The following GNAQ variants were observed in gnomAD, a reference collection of about 807,000 sequenced individuals.
GNAQ encodes the protein G protein subunit alpha q, also known as guanine nucleotide-binding protein G(q) subunit alpha.
Under a neutral mutation model 43.9 loss-of-function variants are expected in GNAQ, and 8 were observed. The ratio of observed to expected loss-of-function variants is 0.18; its 90% CI spans 0.11 to 0.33. The LOEUF (loss-of-function observed/expected upper bound fraction) is 0.33, where lower values mean the gene tolerates loss of function less well. GNAQ is among the 10% of genes least tolerant of loss of function. GNAQ has a pLI of 1.00. For missense variants in GNAQ, 158 were observed against 450.8 expected (o/e 0.35, Z 5.88); for synonymous variants, 155 against 170.7 (o/e 0.91, Z 0.71).
At chr9:77,947,645 G>A (rs1358992931) in intron 1 of GNAQ, among the ~76,000 whole-genome samples, 1 of 152,136 alleles carries the variant, frequency 6.6e-6, no homozygotes. Flanking sequence ...AATTCCCATG[G>A]CTGGAGAGAC....
chr9:77,779,468 A>C (rs1237506451), intron 5 of GNAQ, among the ~76,000 whole-genome samples: 1 of 151,846 alleles, frequency 6.6e-6, no homozygotes, highest in Admixed American at 6.6e-5. Context: ...GAAAGATCTA[A>C]AATCGATATC....
intron 2 of GNAQ, among the ~76,000 whole-genome samples, chr9:77,839,311 C>T (rs899235840): frequency 6.6e-6 from 1 of 152,096 alleles, no homozygotes; most frequent in Non-Finnish European, 1.5e-5. Context: ...TTCAGACAAC[C>T]CTTCATTAGC....
intron 3 of GNAQ, among the ~76,000 whole-genome samples, chr9:77,801,591 T>C (rs1020988035): frequency 3.3e-5 from 5 of 152,180 alleles, no homozygotes; most frequent in African/African-American, 1.2e-4. Flanking sequence ...AGTTGAATAA[T>C]AGAGAGAAAG....
At chr9:77,723,831 T>C (rs1196645552) in intron 6 of GNAQ, among the ~76,000 whole-genome samples, 2 of 152,144 alleles carry the variant, frequency 1.3e-5, no homozygotes, top group African/African-American at 4.8e-5. Context: ...TGAAAATATT[T>C]TGAAAATACT....
intron 1 of GNAQ, among the ~76,000 whole-genome samples, chr9:77,950,962 A>T (rs897618369): frequency 2.6e-5 from 4 of 152,162 alleles, no homozygotes; most frequent in Non-Finnish European, 5.9e-5. Flanking sequence ...TTTTAATTTA[A>T]AAAAAGCTAC....
intron 1 of GNAQ, among the ~76,000 whole-genome samples, chr9:77,933,226 T>C (rs2118313974): frequency 6.6e-6 from 1 of 152,322 alleles, no homozygotes; most frequent in Admixed American, 6.5e-5. Context: ...CTTCTGCTAA[T>C]GTGTGAGTCA....
chr9:77,931,547 T>C (rs1324458014), intron 1 of GNAQ, among the ~76,000 whole-genome samples: 2 of 151,330 alleles, frequency 1.3e-5, no homozygotes, highest in Non-Finnish European at 1.5e-5. Context: ...GCCGAGATCA[T>C]GCCACTGCAC....
intron 5 of GNAQ, among the ~76,000 whole-genome samples, chr9:77,746,040 G>A (rs1181558750): frequency 6.6e-6 from 1 of 152,100 alleles, no homozygotes; most frequent in African/African-American, 2.4e-5. Context: ...AAAGAATAAG[G>A]AAGCCGAAGA....
chr9:77,781,530 A>C (rs1320281470), intron 5 of GNAQ, among the ~76,000 whole-genome samples: 2 of 152,144 alleles, frequency 1.3e-5, no homozygotes, highest in Non-Finnish European at 2.9e-5. Flanking sequence ...GCCAGCATTA[A>C]CTTAATACCA....
chr9:77,954,446 A>G (rs950214850), intron 1 of GNAQ, among the ~76,000 whole-genome samples: 1 of 152,180 alleles, frequency 6.6e-6, no homozygotes, highest in African/African-American at 2.4e-5. Context: ...CAATTTTTAG[A>G]TTTGTGTTTC....
intron 1 of GNAQ, among the ~76,000 whole-genome samples, chr9:77,976,924 TAA>T (rs1188543968): frequency 2.0e-5 from 3 of 152,184 alleles, no homozygotes; most frequent in Non-Finnish European, 2.9e-5. Flanking sequence ...GTCACTCATT[TAA>T]AACCACCTGC....
chr9:77,852,007 A>G (rs1452974082), intron 2 of GNAQ, among the ~76,000 whole-genome samples: 2 of 152,204 alleles, frequency 1.3e-5, no homozygotes, highest in Admixed American at 1.3e-4. Flanking sequence ...CAAAGTCAAT[A>G]GGATATGGAA....
chr9:77,955,866 C>T (rs1004581372), intron 1 of GNAQ, among the ~76,000 whole-genome samples: 1 of 152,170 alleles, frequency 6.6e-6, no homozygotes, highest in Non-Finnish European at 1.5e-5. Flanking sequence ...ATCATTATCA[C>T]ATAAAGCTGT....
intron 1 of GNAQ, among the ~76,000 whole-genome samples, chr9:77,937,442 T>C (rs186860345): frequency 3.3e-5 from 5 of 151,880 alleles, no homozygotes; most frequent in Non-Finnish European, 5.9e-5. Context: ...CATCTCAAAA[T>C]AAATAAATAA....
chr9:77,878,473 C>G (rs1187175915), intron 2 of GNAQ, among the ~76,000 whole-genome samples: 1 of 151,928 alleles, frequency 6.6e-6, no homozygotes, highest in African/African-American at 2.4e-5. Flanking sequence ...CTAGTAACAC[C>G]TAATAAATAG....
At chr9:77,814,284 G>C (rs1022583623) in intron 3 of GNAQ, among the ~76,000 whole-genome samples, 3 of 152,080 alleles carry the variant, frequency 2.0e-5, no homozygotes, top group African/African-American at 7.2e-5. Context: ...GAGGGAGGGA[G>C]AATGGCAGAA....
At chr9:78,025,370 T>G (rs1823964548) in intron 1 of GNAQ, among the ~76,000 whole-genome samples, 1 of 152,220 alleles carries the variant, frequency 6.6e-6, no homozygotes, top group South Asian at 2.1e-4. Flanking sequence ...TTAATGTTAC[T>G]CCATTCGGCA....
chr9:78,023,740 A>G (rs1564181563), intron 1 of GNAQ, among the ~76,000 whole-genome samples: 2 of 152,188 alleles, frequency 1.3e-5, no homozygotes, highest in East Asian at 3.9e-4. Context: ...TAAAAAAAAA[A>G]TTCTTGGAAA....
chr9:77,935,173 G>A (rs1829212473), intron 1 of GNAQ, among the ~76,000 whole-genome samples: 1 of 152,048 alleles, frequency 6.6e-6, no homozygotes, highest in Admixed American at 6.6e-5. Context: ...TTTTCTTAAA[G>A]GAAGAAAAAG....
Sources: gnomAD v4.1 joint callset for allele counts (sites outside exome capture counted in the v4.1 genomes callset) on GRCh38, gnomAD v4.1.1 for gene constraint, MANE v1.5 for transcripts, NCBI Gene and HGNC (gene_info 2026-07-23, HGNC 2026-07-21) for gene names.